Variants in RANBP17 observed in about 807,000 individuals in gnomAD.
RANBP17 encodes RAN binding protein 17.
Under a neutral mutation model 141.2 loss-of-function variants are expected in RANBP17, and 158 were observed. That is an observed-to-expected ratio of 1.12 (90% CI 0.98 to 1.28). The LOEUF (loss-of-function observed/expected upper bound fraction) is 1.28, where lower values mean the gene tolerates loss of function less well. Ranked by LOEUF, RANBP17 falls within the 50% of genes most tolerant of loss-of-function variation. The pLI is 0.00. For synonymous variants in RANBP17, 430 were observed against 450.0 expected, an observed-to-expected ratio of 0.96 and a Z score of 0.56; for missense variants, 1,438 against 1,290.7, an observed-to-expected ratio of 1.11 and a Z score of -1.75.
chr5:170,865,181 G>C (rs567049844), intron 1 of RANBP17, among the ~76,000 whole-genome samples: 7 of 152,098 alleles, frequency 4.6e-5, no homozygotes, highest in African/African-American at 1.7e-4. Flanking sequence ...TCTTGCCTCA[G>C]CCTCCTGGGT....
At chr5:171,075,819 GAC>G (rs1784882229) in intron 14 of RANBP17, among the ~76,000 whole-genome samples, 1 of 152,130 alleles carries the variant, frequency 6.6e-6, no homozygotes, top group South Asian at 2.1e-4. Flanking sequence ...TGGGCATGGT[GAC>G]ACACACCTGT....
intron 19 of RANBP17, among the ~76,000 whole-genome samples, chr5:171,204,545 A>G (rs905467001): frequency 6.6e-6 from 1 of 152,172 alleles, no homozygotes; most frequent in Non-Finnish European, 1.5e-5. Flanking sequence ...ATGAAACAGT[A>G]TCTTTAGAAG....
chr5:171,159,127 AAC>A (rs1377029728), intron 14 of RANBP17, among the ~76,000 whole-genome samples: 1 of 152,192 alleles, frequency 6.6e-6, no homozygotes, highest in Admixed American at 6.5e-5. Context: ...AGAAATATGA[AAC>A]AATTTCAGAA....
intron 14 of RANBP17, among the ~76,000 whole-genome samples, chr5:171,054,708 T>G (rs1783223803): frequency 6.6e-6 from 1 of 152,154 alleles, no homozygotes; most frequent in Non-Finnish European, 1.5e-5. Flanking sequence ...TGCAGCCCAG[T>G]AGGCCTCAAC....
chr5:170,919,318 T>C (rs1197863574), intron 10 of RANBP17, 123 bp from the exon 11 acceptor site: 13 of 674,894 alleles, frequency 1.9e-5, no homozygotes, highest in Non-Finnish European at 3.0e-5. Flanking sequence ...ATATTATGTG[T>C]TCATTAGTTT....
At chr5:171,202,929 A>G (rs927530372) in intron 19 of RANBP17, among the ~76,000 whole-genome samples, 2 of 152,172 alleles carry the variant, frequency 1.3e-5, no homozygotes, top group African/African-American at 4.8e-5. Flanking sequence ...ACTTTCCATT[A>G]GAAACCCTGT....
chr5:171,015,906 G>C (rs1207598184), intron 14 of RANBP17, among the ~76,000 whole-genome samples: 1 of 152,098 alleles, frequency 6.6e-6, no homozygotes, highest in Non-Finnish European at 1.5e-5. Flanking sequence ...ATACTATTCT[G>C]TCTAATCCTT....
intron 12 of RANBP17, among the ~76,000 whole-genome samples, chr5:170,953,113 G>T (rs2127496047): frequency 6.6e-6 from 1 of 152,154 alleles, no homozygotes; most frequent in Non-Finnish European, 1.5e-5. Context: ...TATGTTCCAA[G>T]CAGGGGAAAT....
At chr5:171,102,594 A>G (rs245770) in intron 14 of RANBP17, among the ~76,000 whole-genome samples, 106,322 of 151,304 alleles carry the variant, frequency 0.7, 37,692 homozygotes, top group South Asian at 0.91. Flanking sequence ...GCCTCCTTCT[A>G]TCAATTCGTC....
rs763652727 is a variant in RANBP17 at position 171,170,189 on chromosome 5, G to A, written c.1770G>A (p.Thr590=). 7 of 1,560,706 alleles carry A rather than the reference G, an allele frequency of 4.5e-6. No individual in the cohort carries two copies. The highest frequency in any genetic ancestry group is 1.4e-5 in the African/African-American group (1 of 72,852). Residue 590 remains threonine (T), a synonymous_variant, in exon 15 of 28, where the codon ACG becomes ACA. Transcript: ENST00000523189. ...GITDDNHVLE[T]FMTKIVTNLK... ...CAGATGACAACCACGTTCTAGAGAC[G>A]TTCATGACAAAAATGTGAGTTCTTG... is the stretch of plus-strand genomic sequence containing the variant.
rs1309380897 is a variant in RANBP17, at chr5:170,919,632, T to C, written c.1274+19T>C. Reference sequence around the variant, plus strand: ...TTGTGAGGTATTCAAAAACTAAATGTTTTTGTTGTATTTCCTTTTGACACT... The same window carrying C: ...TTGTGAGGTATTCAAAAACTAAATGCTTTTGTTGTATTTCCTTTTGACACT... On this transcript the variant is annotated intron_variant, in intron 11 of 27. Coordinates refer to ENST00000523189, the MANE Select transcript of RANBP17 (RefSeq NM_022897.5). The C allele has an allele frequency of 2.0e-6, 3 of 1,537,590 alleles. No individual in the cohort carries two copies. The highest frequency in any genetic ancestry group is 2.6e-6 in the Non-Finnish European group (3 of 1,146,090).
At chr5:171,110,766 A>G (rs993338410) in intron 14 of RANBP17, among the ~76,000 whole-genome samples, 4 of 152,168 alleles carry the variant, frequency 2.6e-5, no homozygotes, top group African/African-American at 9.7e-5. Flanking sequence ...TGGAAAAGTC[A>G]CTAGGAAGAT....
At chr5:170,908,731 G>T (rs1771280800) in intron 5 of RANBP17, among the ~76,000 whole-genome samples, 1 of 151,266 alleles carries the variant, frequency 6.6e-6, no homozygotes, top group Non-Finnish European at 1.5e-5. Context: ...TAACTACTTT[G>T]TGTAATCATT....
intron 14 of RANBP17, among the ~76,000 whole-genome samples, chr5:171,125,882 C>T (rs1178238425): frequency 6.6e-6 from 1 of 151,978 alleles, no homozygotes; most frequent in Non-Finnish European, 1.5e-5. Flanking sequence ...CCTCTGCCTC[C>T]TGGGTTCAAG....
In RANBP17 at chr5:171,071,910, T is replaced by G. The variant is rs367892669; in HGVS notation, c.1711-98220T>G. On this transcript the variant is annotated intron_variant, in intron 14 of 27. Transcript: ENST00000523189. ...ATCAAAAGTTTAAACTTTTAAACTT[T>G]CACTCTAAGAAAGGCACTGTTAACA... Among the ~76,000 whole-genome samples, 252 of 152,206 alleles carry G rather than the reference T, an allele frequency of 1.7e-3. 4 individuals are homozygous for G. The South Asian group carries it at 0.026, about 16-fold the overall frequency.
At chr5:171,072,789 C>T (rs1784703762) in intron 14 of RANBP17, among the ~76,000 whole-genome samples, 1 of 152,068 alleles carries the variant, frequency 6.6e-6, no homozygotes, top group Admixed American at 6.6e-5. Context: ...AACCTATATG[C>T]AAATGTTTAT....
At chr5:170,932,810 C>T (rs1205270479) in intron 12 of RANBP17, among the ~76,000 whole-genome samples, 1 of 152,142 alleles carries the variant, frequency 6.6e-6, no homozygotes, top group Non-Finnish European at 1.5e-5. Context: ...ATTTGGTTTG[C>T]CAGTATTTTA....
rs1417034103 is a variant in RANBP17, at chr5:170,948,109, G to A, written c.1469-5488G>A. Among the ~76,000 whole-genome samples the A allele has an allele frequency of 3.9e-5, 6 of 152,190 alleles. No homozygotes were observed. In the South Asian group the frequency reaches 8.3e-4, roughly 21 times the overall value. ...AGGTGACATCAAGTAAGACTGGTCA[G>A]CATAGTTGTATCTTTCCCCAGTTAT... On this transcript the variant is annotated intron_variant, in intron 12 of 27. Transcript: ENST00000523189.
chr5:170,912,159 G>A (rs1771581771), intron 7 of RANBP17, among the ~76,000 whole-genome samples: 2 of 151,900 alleles, frequency 1.3e-5, no homozygotes, highest in South Asian at 2.1e-4. Flanking sequence ...AACAAAGGGG[G>A]ACTTTGTGTT....
Sources: allele counts gnomAD v4.1 joint callset (sites outside exome capture counted in the v4.1 genomes callset), GRCh38; gene constraint gnomAD v4.1.1; transcripts MANE v1.5; gene names NCBI Gene and HGNC (gene_info 2026-07-23, HGNC 2026-07-21).